The following ELAPOR1 variants were observed in gnomAD, a reference collection of about 807,000 sequenced individuals.
The protein encoded by ELAPOR1 is endosome/lysosome-associated apoptosis and autophagy regulator 1.
Under a neutral mutation model 119.7 loss-of-function variants are expected in ELAPOR1, and 77 were observed. That is an observed-to-expected ratio of 0.64 (90% CI 0.54 to 0.78). ELAPOR1 has a LOEUF of 0.78. Among genes scored for constraint, ELAPOR1 ranks in the 30% least tolerant of loss-of-function variants. The pLI is 0.00. For synonymous variants in ELAPOR1, 481 were observed against 487.2 expected, an observed-to-expected ratio of 0.99 and a Z score of 0.17; for missense variants, 1,115 against 1,270.4, an observed-to-expected ratio of 0.88 and a Z score of 1.86.
intron 1 of ELAPOR1, among the ~76,000 whole-genome samples, chr1:109,122,376 A>G (rs1279584848): frequency 7.1e-6 from 1 of 141,106 alleles, no homozygotes; most frequent in East Asian, 2.0e-4. Flanking sequence ...AAAAAAAAAA[A>G]GGCAGGATGT....
intron 13 of ELAPOR1, among the ~76,000 whole-genome samples, 160 bp from the exon 14 acceptor site, chr1:109,192,451 G>C (rs908044681): frequency 6.6e-6 from 1 of 152,008 alleles, no homozygotes; most frequent in Admixed American, 6.6e-5. Flanking sequence ...AAATGCACAC[G>C]AAGAGCTACT....
At chr1:109,131,685 A>G (rs1200561438) in intron 1 of ELAPOR1, among the ~76,000 whole-genome samples, 2 of 152,198 alleles carry the variant, frequency 1.3e-5, no homozygotes, top group African/African-American at 2.4e-5. Context: ...ATAAAAGTGA[A>G]TATAAACAGA....
In ELAPOR1 at chr1:109,189,227, G is replaced by A. The variant is rs1369003298; in HGVS notation, c.1348+33G>A. 3.1e-6 allele frequency: 5 copies of A among 1,605,408 alleles called. No homozygotes were observed. In the African/African-American group the frequency reaches 6.7e-5, roughly 21 times the overall value. On this transcript the variant is annotated intron_variant, in intron 10 of 21. Coordinates refer to ENST00000369939, the MANE Select transcript of ELAPOR1 (RefSeq NM_020775.5). Reference sequence around the variant, plus strand: ...CCTCTCCCTGTGCCATGAGCTGTCAGCTCCCTGCACACCCTCAGTTCTTCC... The same window carrying A: ...CCTCTCCCTGTGCCATGAGCTGTCAACTCCCTGCACACCCTCAGTTCTTCC...
intron 3 of ELAPOR1, among the ~76,000 whole-genome samples, chr1:109,169,064 C>T (rs999039340): frequency 1.1e-4 from 16 of 152,010 alleles, no homozygotes; most frequent in African/African-American, 3.9e-4. Flanking sequence ...AAAGGTTATC[C>T]CTTTCAACAA....
intron 7 of ELAPOR1, among the ~76,000 whole-genome samples, chr1:109,177,630 C>T (rs150442576): frequency 1.7e-4 from 26 of 152,032 alleles, no homozygotes; most frequent in African/African-American, 6.0e-4. Context: ...GATCACGCCA[C>T]TATGAGTGCA....
chr1:109,115,928 G>T (rs1223566724), intron 1 of ELAPOR1, among the ~76,000 whole-genome samples: 1 of 152,126 alleles, frequency 6.6e-6, no homozygotes, highest in Admixed American at 6.6e-5. Context: ...ATGGCCTGTG[G>T]TCTAACCAAC....
At position 109,164,656 on chromosome 1, in the gene ELAPOR1, T is replaced by A. The variant is rs112991292; in HGVS notation, c.432T>A (p.Asp144Glu). The change falls in exon 3 of 22, where the codon GAT (aspartate) becomes GAA (glutamate). Residue 144 changes from aspartate to glutamate, a missense_variant. By Grantham distance (45) the Asp-to-Glu change is conservative. Transcript: ENST00000369939. The part of the protein sequence containing the change: ...FASLSANMEL[D>E]DSAAESTGNC... ...GCCTCTCAGCCAACATGGAGCTGGA[T>A]GACAGTGCTGCTGAGTCCACCGGGA... 2.0e-5 allele frequency: 32 copies of A among 1,614,176 alleles called. No individual in the cohort carries two copies. In the African/African-American group the frequency reaches 2.9e-4, roughly 15 times the overall value.
chr1:109,165,413 G>A (rs954588070), intron 3 of ELAPOR1, among the ~76,000 whole-genome samples: 5 of 151,736 alleles, frequency 3.3e-5, no homozygotes, highest in Non-Finnish European at 7.4e-5. Flanking sequence ...GTGAAACCCC[G>A]TCTCTACTAA....
intron 7 of ELAPOR1, among the ~76,000 whole-genome samples, chr1:109,175,656 G>A (rs1285467264): frequency 1.3e-5 from 2 of 150,126 alleles, no homozygotes; most frequent in Non-Finnish European, 1.5e-5. Context: ...GCAAAACCAC[G>A]TCTCTACTAA....
Position 109,134,402 on chromosome 1 carries a change from A to G in ELAPOR1, c.153+20066A>G, listed in dbSNP as rs143123303. On this transcript the variant is annotated intron_variant, in intron 1 of 21. Transcript: ENST00000369939. Reference sequence around the variant, plus strand: ...GCCCTGGTGTGGGCTTCTTGACCTCACAGGGCTGTGGGCCTCTCCCCTCTG... The same window carrying G: ...GCCCTGGTGTGGGCTTCTTGACCTCGCAGGGCTGTGGGCCTCTCCCCTCTG... Among the ~76,000 whole-genome samples the G allele has an allele frequency of 2.3e-3, 344 of 152,214 alleles. 3 individuals carry two copies. Among genetic ancestry groups the G allele is most frequent in the African/African-American group, 7.9e-3 (329 of 41,546 alleles).
rs771252163 is a variant in ELAPOR1, at chr1:109,172,563, C to T, written c.691C>T (p.His231Tyr). The change falls in exon 5 of 22, where the codon CAC becomes TAC. Residue 231 changes from histidine to tyrosine, a missense_variant. His to Tyr is a moderately conservative substitution (Grantham distance 83). Coordinates refer to ENST00000369939, the MANE Select transcript of ELAPOR1 (RefSeq NM_020775.5). The part of the protein sequence containing the change: ...MKTTEKGWEF[H>Y]SVELNRGNNV... ...GACCACAGAGAAAGGATGGGAATTC[C>T]ACAGTGTGAGTATCACACCAGCCTT... 57 of 1,612,318 alleles carry T rather than the reference C, an allele frequency of 3.5e-5. No homozygotes were observed. In the Admixed American group the frequency reaches 9.3e-4, roughly 26 times the overall value.
At chr1:109,171,791 C>T in intron 3 of ELAPOR1, 75 bp from the exon 4 acceptor site, 1 of 1,476,518 alleles carries the variant, frequency 6.8e-7, no homozygotes, top group Non-Finnish European at 9.3e-7. Context: ...CCCAGCAGAA[C>T]ATGAGACCTG....
At chr1:109,122,292 G>A (rs1275361917) in intron 1 of ELAPOR1, among the ~76,000 whole-genome samples, 1 of 147,776 alleles carries the variant, frequency 6.8e-6, no homozygotes, top group East Asian at 2.0e-4. Flanking sequence ...ACCTGCCTCC[G>A]CCTCTCAAAG....
intron 1 of ELAPOR1, among the ~76,000 whole-genome samples, chr1:109,123,683 C>A (rs994728185): frequency 3.3e-5 from 5 of 152,152 alleles, no homozygotes; most frequent in African/African-American, 1.2e-4. Context: ...CAAAAAGGAC[C>A]AAGAAACTTA....
At chr1:109,155,722 A>C (rs1432801954) in intron 1 of ELAPOR1, among the ~76,000 whole-genome samples, 1 of 152,236 alleles carries the variant, frequency 6.6e-6, no homozygotes, top group African/African-American at 2.4e-5. Context: ...ATAGTGAACA[A>C]ATAAGCGTGA....
intron 1 of ELAPOR1, among the ~76,000 whole-genome samples, chr1:109,134,591 GCCTA>G (rs1291732161): frequency 6.6e-6 from 1 of 152,150 alleles, no homozygotes; most frequent in Non-Finnish European, 1.5e-5. Context: ...TGCCCCGTTG[GCCTA>G]CTGATAAGAA....
intron 15 of ELAPOR1, among the ~76,000 whole-genome samples, chr1:109,196,122 C>T (rs1002628040): frequency 6.6e-6 from 1 of 152,112 alleles, no homozygotes; most frequent in African/African-American, 2.4e-5. Context: ...TGCCACTGCA[C>T]TCCAGCCTGG....
intron 1 of ELAPOR1, among the ~76,000 whole-genome samples, chr1:109,127,062 G>A (rs1404291747): frequency 1.3e-5 from 2 of 151,834 alleles, no homozygotes; most frequent in Non-Finnish European, 2.9e-5. Flanking sequence ...TGGGCTGTTT[G>A]TCACATTTCT....
chr1:109,117,561 G>A (rs1648096813), intron 1 of ELAPOR1, among the ~76,000 whole-genome samples: 1 of 152,172 alleles, frequency 6.6e-6, no homozygotes, highest in Non-Finnish European at 1.5e-5. Flanking sequence ...ATGCTACTTT[G>A]AGAAGTTAAT....
Sources: allele counts gnomAD v4.1 joint callset (sites outside exome capture counted in the v4.1 genomes callset), GRCh38; gene constraint gnomAD v4.1.1; transcripts MANE v1.5; gene names NCBI Gene and HGNC (gene_info 2026-07-23, HGNC 2026-07-21).